The following PIK3C2G variants were observed in gnomAD, a reference collection of about 807,000 sequenced individuals.
PIK3C2G encodes phosphatidylinositol 3-kinase C2 domain-containing subunit gamma.
A neutral mutation model predicts 181.1 loss-of-function variants in PIK3C2G; 168 were observed. That is an observed-to-expected ratio of 0.93 (90% CI 0.82 to 1.05). The LOEUF is 1.05. Ranked by LOEUF, PIK3C2G falls within the 50% of genes least tolerant of loss-of-function variation. PIK3C2G has a pLI of 0.00. For synonymous variants in PIK3C2G, 573 were observed against 592.2 expected (o/e 0.97, Z 0.47); for missense variants, 1,869 against 1,732.8 (o/e 1.08, Z -1.40).
intron 18 of PIK3C2G, among the ~76,000 whole-genome samples, chr12:18,440,497 A>G (rs1946683281): frequency 6.6e-6 from 1 of 152,190 alleles, no homozygotes; most frequent in Non-Finnish European, 1.5e-5. Flanking sequence ...GGGAAGCAAG[A>G]AAAGGCCTTA....
chr12:18,582,893 G>A (rs377028697), intron 29 of PIK3C2G, among the ~76,000 whole-genome samples: 64 of 151,968 alleles, frequency 4.2e-4, no homozygotes, highest in African/African-American at 1.4e-3. Flanking sequence ...CTCTCACCCA[G>A]TGTTTTCTAA....
At chr12:18,712,692 A>C in the PIK3C2G span, 2 of 953,082 alleles carry the variant, frequency 2.1e-6, no homozygotes, top group Non-Finnish European at 3.2e-6. Context: ...TTAACTATAT[A>C]CAACATGGAT....
chr12:18,292,227 A>AAAAAAAAT, intron 4 of PIK3C2G, among the ~76,000 whole-genome samples: 14 of 48,730 alleles, frequency 2.9e-4, no homozygotes, highest in Non-Finnish European at 4.0e-4. Context: ...AAAAAAAAAA[A>AAAAAAAAT]ATATATATAT....
chr12:18,626,836 A>T (rs963710335), intron 31 of PIK3C2G, among the ~76,000 whole-genome samples: 1 of 151,768 alleles, frequency 6.6e-6, no homozygotes, highest in African/African-American at 2.4e-5. Flanking sequence ...GATTTTTTTA[A>T]TAGTTTGATT....
intron 30 of PIK3C2G, among the ~76,000 whole-genome samples, chr12:18,596,816 G>T (rs1289351478): frequency 6.6e-6 from 1 of 152,052 alleles, no homozygotes; most frequent in Non-Finnish European, 1.5e-5. Context: ...GCAGAGCCCA[G>T]ATCAATTATC....
intron 29 of PIK3C2G, among the ~76,000 whole-genome samples, chr12:18,592,604 A>G (rs1349556814): frequency 5.9e-5 from 9 of 151,944 alleles, no homozygotes; most frequent in Non-Finnish European, 1.2e-4. Context: ...AGTGCAGACA[A>G]TTCTTCCCAT....
chr12:18,716,684 A>C, the PIK3C2G span, among the ~76,000 whole-genome samples: 2 of 152,196 alleles, frequency 1.3e-5, no homozygotes, highest in African/African-American at 4.8e-5. Context: ...TTGTGGTATG[A>C]AATTTCCACT....
At chr12:18,462,550 TGACAGAAG>T (rs763918330) in intron 18 of PIK3C2G, among the ~76,000 whole-genome samples, 1 of 152,180 alleles carries the variant, frequency 6.6e-6, no homozygotes, top group Non-Finnish European at 1.5e-5. Flanking sequence ...TGTAGACTAT[TGACAGAAG>T]GTAACTCAAA....
intron 18 of PIK3C2G, among the ~76,000 whole-genome samples, chr12:18,451,120 A>G (rs1168204813): frequency 3.9e-5 from 6 of 152,150 alleles, no homozygotes; most frequent in Non-Finnish European, 7.4e-5. Flanking sequence ...AAGAAAGTCA[A>G]TGGTAGCTTG....
At chr12:18,570,342 G>A (rs944329337) in intron 29 of PIK3C2G, among the ~76,000 whole-genome samples, 7 of 150,824 alleles carry the variant, frequency 4.6e-5, no homozygotes, top group Non-Finnish European at 7.4e-5. Context: ...CCCAGTAGCT[G>A]GGATTACAGG....
chr12:18,378,355 A>G (rs1270648710), intron 13 of PIK3C2G, among the ~76,000 whole-genome samples: 2 of 151,936 alleles, frequency 1.3e-5, no homozygotes, highest in Non-Finnish European at 2.9e-5. Flanking sequence ...AGTTTCATCT[A>G]TGATAAAGTA....
At chr12:18,714,708 G>A in the PIK3C2G span, 1 of 152,170 alleles carries the variant, frequency 6.6e-6, no homozygotes, top group South Asian at 2.1e-4. Context: ...CCTCACAGGA[G>A]GGATTTGGCA....
At chr12:18,593,817 T>G (rs1438241059) in intron 29 of PIK3C2G, among the ~76,000 whole-genome samples, 2 of 151,922 alleles carry the variant, frequency 1.3e-5, no homozygotes, top group Non-Finnish European at 2.9e-5. Context: ...AACTGAAATT[T>G]TTATTAAAGT....
intron 18 of PIK3C2G, among the ~76,000 whole-genome samples, chr12:18,441,212 T>C (rs1470975487): frequency 2.0e-5 from 3 of 152,096 alleles, no homozygotes; most frequent in Admixed American, 6.6e-5. Flanking sequence ...ATTAGCACCA[T>C]AGAGGTCATT....
the PIK3C2G span, among the ~76,000 whole-genome samples, chr12:18,675,200 C>T: frequency 6.6e-6 from 1 of 152,140 alleles, no homozygotes; most frequent in African/African-American, 2.4e-5. Context: ...TGGCTACAGT[C>T]ACATGAGTAA....
downstream of PIK3C2G, among the ~76,000 whole-genome samples, chr12:18,651,110 T>C (rs1410372597): frequency 6.6e-6 from 1 of 152,024 alleles, no homozygotes; most frequent in African/African-American, 2.4e-5. Context: ...TTAACTCTTA[T>C]TATATCCTCC....
At chr12:18,650,321 C>CTATATA (rs1271149401), downstream of PIK3C2G, among the ~76,000 whole-genome samples, 4 of 87,762 alleles carry the variant, frequency 4.6e-5, no homozygotes, top group African/African-American at 1.2e-4. Context: ...CTCTCTCTCT[C>CTATATA]TCTCTCTCTC....
intron 16 of PIK3C2G, among the ~76,000 whole-genome samples, chr12:18,409,008 G>C (rs1944703953): frequency 6.6e-6 from 1 of 152,058 alleles, no homozygotes; most frequent in South Asian, 2.1e-4. Context: ...CAAGGATCTA[G>C]AACTAGAAAT....
chr12:18,642,786 CTGTGTGTGTGTGTG>C (rs56095750), intron 32 of PIK3C2G, among the ~76,000 whole-genome samples: 25 of 143,180 alleles, frequency 1.7e-4, no homozygotes, highest in East Asian at 6.1e-4. Context: ...ATAAGTGACA[CTGTGTGTGTGTGTG>C]TGTGTGTGTG....
Sources: allele counts gnomAD v4.1 joint callset (sites outside exome capture counted in the v4.1 genomes callset), GRCh38; gene constraint gnomAD v4.1.1; transcripts MANE v1.5; gene names NCBI Gene and HGNC (gene_info 2026-07-23, HGNC 2026-07-21).